CEP112: variants seen among roughly 807,000 people sequenced by gnomAD.
The protein encoded by CEP112 is centrosomal protein of 112 kDa.
In CEP112, 127 loss-of-function variants were observed where a neutral mutation model predicts 153.0. The ratio of observed to expected loss-of-function variants is 0.83; its 90% CI spans 0.72 to 0.96. CEP112 has a LOEUF of 0.96. CEP112 is among the 40% of genes least tolerant of loss of function. The probability of loss-of-function intolerance (pLI) is 0.00; values close to 1 mark genes in which losing one functional copy is unlikely to be tolerated. For synonymous variants in CEP112, 358 were observed against 374.4 expected (o/e 0.96, Z 0.51); for missense variants, 1,089 against 1,101.2 (o/e 0.99, Z 0.16).
At chr17:65,969,911 T>C (rs1568311391) in intron 17 of CEP112, among the ~76,000 whole-genome samples, 1 of 152,218 alleles carries the variant, frequency 6.6e-6, no homozygotes, top group East Asian at 1.9e-4. Flanking sequence ...ACATGCATAT[T>C]ACATGCATAT....
At chr17:65,659,564 A>G (rs1003999970) in intron 24 of CEP112, among the ~76,000 whole-genome samples, 2 of 152,224 alleles carry the variant, frequency 1.3e-5, no homozygotes, top group Non-Finnish European at 2.9e-5. Context: ...CCCACCTTCC[A>G]GCTAAAGGGA....
intron 4 of CEP112, among the ~76,000 whole-genome samples, chr17:66,148,864 CTA>C: frequency 6.6e-6 from 1 of 152,096 alleles, no homozygotes; most frequent in East Asian, 1.9e-4. Flanking sequence ...TGCGAATTGC[CTA>C]TGTTGAATAC....
intron 4 of CEP112, among the ~76,000 whole-genome samples, chr17:66,171,711 C>G (rs1476892946): frequency 6.6e-6 from 1 of 152,066 alleles, no homozygotes; most frequent in Non-Finnish European, 1.5e-5. Context: ...TAAATGTCTT[C>G]ATGTATGTAA....
intron 21 of CEP112, among the ~76,000 whole-genome samples, chr17:65,780,201 T>G (rs1418501652): frequency 6.6e-6 from 1 of 152,110 alleles, no homozygotes; most frequent in African/African-American, 2.4e-5. Context: ...CATTGCAACA[T>G]ATATTTACAT....
At chr17:65,876,547 A>G (rs1273462472) in intron 20 of CEP112, among the ~76,000 whole-genome samples, 3 of 151,986 alleles carry the variant, frequency 2.0e-5, no homozygotes, top group Admixed American at 6.6e-5. Flanking sequence ...GGAGACATGG[A>G]CCTTTTCTTT....
At chr17:65,975,184 A>G (rs1389936519) in intron 17 of CEP112, among the ~76,000 whole-genome samples, 1 of 152,182 alleles carries the variant, frequency 6.6e-6, no homozygotes, top group African/African-American at 2.4e-5. Context: ...CTTCACAGAG[A>G]TATGGTCTAT....
intron 23 of CEP112, among the ~76,000 whole-genome samples, chr17:65,715,987 T>G (rs999090859): frequency 1.3e-5 from 2 of 152,202 alleles, no homozygotes; most frequent in Non-Finnish European, 2.9e-5. Flanking sequence ...CTTCTAAGCA[T>G]GTAGTTTTAT....
rs369520417 is a variant in CEP112, at chr17:65,985,558, G to A, written c.1736+20132C>T. Among the ~76,000 whole-genome samples, 11 of 152,182 alleles carry A rather than the reference G, an allele frequency of 7.2e-5. 1 individual carries two copies. The East Asian group carries it at 1.5e-3, about 21-fold the overall frequency. On this transcript the variant is annotated intron_variant, in intron 17 of 26. Coordinates refer to ENST00000535342, the MANE Select transcript of CEP112 (RefSeq NM_001199165.4). The stretch of plus-strand genomic sequence containing the variant: ...TGGTGCCAGGAATAATTTTTTAAGG[G>A]ATAAAAGCTTCAGAAGAAGTTGTCT...
chr17:65,821,218 A>G (rs1267641060), intron 21 of CEP112, among the ~76,000 whole-genome samples: 1 of 151,718 alleles, frequency 6.6e-6, no homozygotes, highest in Non-Finnish European at 1.5e-5. Flanking sequence ...ACTGAAATTG[A>G]TTAGTGTACT....
intron 23 of CEP112, among the ~76,000 whole-genome samples, chr17:65,726,737 A>G (rs952053410): frequency 6.6e-6 from 1 of 152,158 alleles, no homozygotes; most frequent in African/African-American, 2.4e-5. Context: ...AAAAAATGGA[A>G]AGTCCTATTG....
At chr17:66,138,825 T>C (rs1245251593) in intron 4 of CEP112, among the ~76,000 whole-genome samples, 3 of 152,042 alleles carry the variant, frequency 2.0e-5, no homozygotes, top group Admixed American at 6.6e-5. Context: ...ATTAACAAAA[T>C]GACTTATTAA....
At chr17:66,091,818 A>G (rs1174060484) in intron 8 of CEP112, among the ~76,000 whole-genome samples, 4 of 152,156 alleles carry the variant, frequency 2.6e-5, no homozygotes, top group Non-Finnish European at 4.4e-5. Flanking sequence ...GAGAAGACAA[A>G]TAAGTAAAAT....
intron 23 of CEP112, among the ~76,000 whole-genome samples, chr17:65,704,179 T>C (rs1437882922): frequency 2.0e-5 from 3 of 152,072 alleles, no homozygotes; most frequent in Admixed American, 2.0e-4. Context: ...CAAGGATTGC[T>C]GGGAAACATC....
chr17:66,034,271 AC>A (rs2065614441), intron 12 of CEP112, among the ~76,000 whole-genome samples: 2 of 152,220 alleles, frequency 1.3e-5, no homozygotes, highest in African/African-American at 4.8e-5. Flanking sequence ...GAAATAACAA[AC>A]ATCTGTCCAA....
At chr17:66,066,477 T>C (rs1239241367) in intron 10 of CEP112, among the ~76,000 whole-genome samples, 1 of 152,144 alleles carries the variant, frequency 6.6e-6, no homozygotes, top group Non-Finnish European at 1.5e-5. Flanking sequence ...CCAATGAGGC[T>C]AGAGTTAAGA....
At chr17:66,173,991 G>C (rs146906378) in intron 4 of CEP112, among the ~76,000 whole-genome samples, 5,192 of 152,022 alleles carry the variant, frequency 0.034, 132 homozygotes, top group Middle Eastern at 0.061. Context: ...TGCAGTAGTG[G>C]AATCTCGGCT....
intron 23 of CEP112, among the ~76,000 whole-genome samples, chr17:65,742,395 T>G (rs2051190609): frequency 6.6e-6 from 1 of 152,226 alleles, no homozygotes; most frequent in Admixed American, 6.5e-5. Context: ...TTCCAGATGC[T>G]TATCCTCACA....
intron 21 of CEP112, among the ~76,000 whole-genome samples, chr17:65,804,002 A>G: frequency 6.6e-6 from 1 of 152,220 alleles, no homozygotes; most frequent in South Asian, 2.1e-4. Context: ...ATAGCTGTTA[A>G]TATCTTAGGA....
At chr17:65,983,880 C>T (rs2063312500) in intron 17 of CEP112, among the ~76,000 whole-genome samples, 2 of 152,136 alleles carry the variant, frequency 1.3e-5, no homozygotes. Context: ...TTAATTTGTT[C>T]ACTTATTTTA....
Sources: gnomAD v4.1 joint callset for allele counts (sites outside exome capture counted in the v4.1 genomes callset) on GRCh38, gnomAD v4.1.1 for gene constraint, MANE v1.5 for transcripts, NCBI Gene and HGNC (gene_info 2026-07-23, HGNC 2026-07-21) for gene names.